The following SRGAP1 variants were observed in gnomAD, a reference collection of about 807,000 sequenced individuals.
The protein encoded by SRGAP1 is SLIT-ROBO Rho GTPase-activating protein 1.
SRGAP1 carries 43 observed loss-of-function variants against 121.9 expected under a neutral mutation model. The observed-to-expected ratio is 0.35, with a 90% CI of 0.28 to 0.46. The LOEUF is 0.46. Ranked by LOEUF, SRGAP1 falls within the 20% of genes least tolerant of loss-of-function variation. The pLI is 1.00. For synonymous variants in SRGAP1, 447 were observed against 485.4 expected (o/e 0.92, Z 1.04); for missense variants, 1,102 against 1,350.9 (o/e 0.82, Z 2.89).
chr12:63,999,564 A>G (rs2033815831), intron 3 of SRGAP1, among the ~76,000 whole-genome samples: 1 of 152,106 alleles, frequency 6.6e-6, no homozygotes, highest in Admixed American at 6.5e-5. Context: ...GTGGGAGAGA[A>G]GAGAGATGTA....
intron 1 of SRGAP1, among the ~76,000 whole-genome samples, chr12:63,927,476 A>G (rs150491805): frequency 6.6e-6 from 1 of 152,308 alleles, no homozygotes; most frequent in Non-Finnish European, 1.5e-5. Context: ...CAGAAGCTGC[A>G]TATTCCCTGT....
intron 1 of SRGAP1, among the ~76,000 whole-genome samples, chr12:63,859,092 A>G (rs1899355165): frequency 6.6e-6 from 1 of 152,228 alleles, no homozygotes; most frequent in South Asian, 2.1e-4. Context: ...CTCTTATTTT[A>G]AAAACATAGG....
At position 64,137,049 on chromosome 12, in the gene SRGAP1, A is replaced by G. The variant is rs1351112650; in HGVS notation, c.2881-5246A>G. On this transcript the variant is annotated intron_variant, in intron 21 of 21. Transcript: ENST00000355086. ...GAGGCTGAGGCGCATGGATCACTTG[A>G]GGTCAGCAGTTTGAGACCAGCCTGG... Among the ~76,000 whole-genome samples the G allele has an allele frequency of 2.6e-5, 4 of 152,154 alleles. No homozygotes were observed. The East Asian group carries it at 7.7e-4, about 29-fold the overall frequency.
chr12:63,962,563 A>G (rs557889858), intron 1 of SRGAP1, among the ~76,000 whole-genome samples: 67 of 152,154 alleles, frequency 4.4e-4, no homozygotes, highest in African/African-American at 1.6e-3. Flanking sequence ...GCCTGCCACC[A>G]TGCCAGGCTA....
chr12:64,029,437 G>A (rs2034725627), intron 4 of SRGAP1, among the ~76,000 whole-genome samples: 1 of 152,132 alleles, frequency 6.6e-6, no homozygotes, highest in Admixed American at 6.5e-5. Flanking sequence ...CTGTGATCAG[G>A]GAGCTAGACT....
At chr12:63,956,441 A>G (rs978070785) in intron 1 of SRGAP1, among the ~76,000 whole-genome samples, 2 of 152,222 alleles carry the variant, frequency 1.3e-5, no homozygotes, top group African/African-American at 4.8e-5. Context: ...TCAAAGTTGC[A>G]GATGCATAAA....
chr12:63,992,658 A>T (rs2033584932), intron 3 of SRGAP1, among the ~76,000 whole-genome samples: 1 of 117,174 alleles, frequency 8.5e-6, no homozygotes, highest in African/African-American at 3.5e-5. Flanking sequence ...ATGCACAGTA[A>T]ATACACACAC....
At chr12:63,896,971 G>A (rs1191876111) in intron 1 of SRGAP1, among the ~76,000 whole-genome samples, 1 of 152,152 alleles carries the variant, frequency 6.6e-6, no homozygotes, top group Non-Finnish European at 1.5e-5. Flanking sequence ...AGAGAACCTT[G>A]CTCCCAAAGA....
chr12:64,078,834 A>T, intron 8 of SRGAP1, 85 bp from the exon 9 acceptor site: 1 of 1,442,002 alleles, frequency 6.9e-7, no homozygotes, highest in Non-Finnish European at 9.5e-7. Context: ...CTGTGTCCTC[A>T]TCTCTACCTG....
intron 3 of SRGAP1, among the ~76,000 whole-genome samples, chr12:63,994,315 G>C (rs2033633644): frequency 6.6e-6 from 1 of 152,110 alleles, no homozygotes; most frequent in South Asian, 2.1e-4. Flanking sequence ...ATTCTAAGGA[G>C]AGTATCATAA....
chr12:63,845,723 A>G (rs1356006533), intron 1 of SRGAP1, among the ~76,000 whole-genome samples: 1 of 152,142 alleles, frequency 6.6e-6, no homozygotes, highest in African/African-American at 2.4e-5. Context: ...TGTTTCGTAA[A>G]CATATGTGTT....
intron 4 of SRGAP1, among the ~76,000 whole-genome samples, chr12:64,028,736 C>T (rs1320751230): frequency 6.6e-6 from 1 of 152,224 alleles, no homozygotes; most frequent in Non-Finnish European, 1.5e-5. Context: ...TTCGTGAGTG[C>T]TCTGCTCCCA....
chr12:64,130,761 A>G (rs544608110), intron 21 of SRGAP1, among the ~76,000 whole-genome samples: 2 of 152,346 alleles, frequency 1.3e-5, no homozygotes, highest in Admixed American at 1.3e-4. Context: ...TGTGTGGAAT[A>G]CCATCATGGT....
chr12:63,930,032 AG>A (rs2031412190), intron 1 of SRGAP1, among the ~76,000 whole-genome samples: 1 of 152,214 alleles, frequency 6.6e-6, no homozygotes, highest in Admixed American at 6.5e-5. Flanking sequence ...ATTATTAAAA[AG>A]TCAGGAAACA....
intron 4 of SRGAP1, among the ~76,000 whole-genome samples, chr12:64,034,425 C>T (rs1205819429): frequency 2.0e-5 from 3 of 152,140 alleles, no homozygotes; most frequent in Admixed American, 6.6e-5. Context: ...ATAAATTACC[C>T]AGTCTCAGGT....
At position 63,989,902 on chromosome 12, in the gene SRGAP1, C is replaced by A; in HGVS notation, c.264-8C>A. On this transcript the variant is annotated splice_polypyrimidine_tract_variant and splice_region_variant and intron_variant, in intron 2 of 21. Coordinates refer to ENST00000355086, the MANE Select transcript of SRGAP1 (RefSeq NM_020762.4). Reference sequence around the variant, plus strand: ...TGGGTGGTAATTCTGTGTTTCTTCACTTCTTAGGAAAGACCAGAACCTGTT... The same window carrying A: ...TGGGTGGTAATTCTGTGTTTCTTCAATTCTTAGGAAAGACCAGAACCTGTT... 1 of 1,588,134 alleles carries A rather than the reference C, an allele frequency of 6.3e-7. No individual in the cohort carries two copies. The highest frequency in any genetic ancestry group is 8.5e-7 in the Non-Finnish European group (1 of 1,171,764).
chr12:64,072,860 G>A (rs1408215775), intron 8 of SRGAP1, among the ~76,000 whole-genome samples: 1 of 152,134 alleles, frequency 6.6e-6, no homozygotes, highest in African/African-American at 2.4e-5. Flanking sequence ...AGGCAACAAA[G>A]CCAGTCCACA....
intron 1 of SRGAP1, among the ~76,000 whole-genome samples, chr12:63,981,072 A>G (rs1387032099): frequency 6.6e-6 from 1 of 152,138 alleles, no homozygotes; most frequent in Non-Finnish European, 1.5e-5. Context: ...TGTTCCTTAC[A>G]TGTTTCCTGT....
At chr12:64,042,701 G>A in intron 4 of SRGAP1, 89 bp from the exon 5 acceptor site, 1 of 966,828 alleles carries the variant, frequency 1.0e-6, no homozygotes, top group South Asian at 1.7e-5. Context: ...AAGGTGGTAT[G>A]TGTATCATAT....
Sources: gnomAD v4.1 joint callset for allele counts (sites outside exome capture counted in the v4.1 genomes callset) on GRCh38, gnomAD v4.1.1 for gene constraint, MANE v1.5 for transcripts, NCBI Gene and HGNC (gene_info 2026-07-23, HGNC 2026-07-21) for gene names.